Variants in SLCO3A1 observed in about 807,000 individuals in gnomAD.
The protein encoded by SLCO3A1 is PGE1 transporter.
SLCO3A1 carries 27 observed loss-of-function variants against 63.1 expected under a neutral mutation model. The observed-to-expected ratio is 0.43, with a 90% CI of 0.32 to 0.59. The LOEUF is 0.59. Among genes scored for constraint, SLCO3A1 ranks in the 20% least tolerant of loss-of-function variants. The pLI is 0.09. For missense variants in SLCO3A1, 773 were observed against 945.8 expected (o/e 0.82, Z 2.40); for synonymous variants, 473 against 409.9 (o/e 1.15, Z -1.86).
intron 2 of SLCO3A1, among the ~76,000 whole-genome samples, chr15:92,028,908 A>AGTGTGTGTGTGT (rs61238614): frequency 0.068 from 8,176 of 120,012 alleles, 667 homozygotes; most frequent in East Asian, 0.34. Context: ...TGCAGGCACA[A>AGTGTGTGTGTGT]GTGTGTGTGT....
At chr15:91,994,243 T>G (rs1345407176) in intron 2 of SLCO3A1, among the ~76,000 whole-genome samples, 1 of 152,206 alleles carries the variant, frequency 6.6e-6, no homozygotes, top group African/African-American at 2.4e-5. Flanking sequence ...TAACAACTCT[T>G]CAAAGTAGGT....
At chr15:92,146,861 G>T in intron 7 of SLCO3A1, 123 bp from the exon 8 acceptor site, 3 of 835,268 alleles carry the variant, frequency 3.6e-6, no homozygotes, top group East Asian at 2.8e-5. Flanking sequence ...CGTTTATTCA[G>T]GCCTAATTAA....
intron 4 of SLCO3A1, among the ~76,000 whole-genome samples, chr15:92,115,608 T>G (rs2047784684): frequency 6.6e-6 from 1 of 151,982 alleles, no homozygotes; most frequent in Admixed American, 6.6e-5. Context: ...AGTTCTGTGC[T>G]CCAGTCACTT....
chr15:91,955,426 G>A (rs548644821), intron 2 of SLCO3A1, among the ~76,000 whole-genome samples: 10 of 151,896 alleles, frequency 6.6e-5, no homozygotes, highest in South Asian at 2.1e-4. Context: ...TCCACCTCCC[G>A]GGTTCAACCA....
downstream of SLCO3A1, among the ~76,000 whole-genome samples, chr15:92,170,198 T>A (rs114619626): frequency 0.01 from 1,568 of 152,258 alleles, 34 homozygotes; most frequent in African/African-American, 0.036. Context: ...TTTGATTTTA[T>A]AATCTAAGGC....
At position 91,890,500 on chromosome 15, in the gene SLCO3A1, C is replaced by A. The variant is rs530968219; in HGVS notation, c.181-25493C>A. 9.8e-5 allele frequency among the ~76,000 whole-genome samples: 15 copies of A among 152,308 alleles called. No homozygotes were observed. In the East Asian group the frequency reaches 2.9e-3, roughly 29 times the overall value. On this transcript the variant is annotated intron_variant, in intron 1 of 9. Transcript: ENST00000318445. Reference sequence around the variant, plus strand: ...CAGTGGCCTCACCCAGAGCTCTATCCCCTATGCCTGGCATTGACAATTCTG... The same window carrying A: ...CAGTGGCCTCACCCAGAGCTCTATCACCTATGCCTGGCATTGACAATTCTG...
intron 2 of SLCO3A1, among the ~76,000 whole-genome samples, chr15:91,937,677 C>G (rs1483187289): frequency 2.7e-5 from 4 of 147,532 alleles, no homozygotes; most frequent in Non-Finnish European, 5.9e-5. Context: ...CAAGATCATG[C>G]TACTACACTC....
At chr15:91,937,456 A>G (rs1899454188) in intron 2 of SLCO3A1, among the ~76,000 whole-genome samples, 1 of 152,198 alleles carries the variant, frequency 6.6e-6, no homozygotes, top group Admixed American at 6.5e-5. Context: ...ATGGTGGCTC[A>G]CACCTGTAAT....
intron 7 of SLCO3A1, 24 bp downstream of exon 7, chr15:92,128,513 G>A (rs781202409): frequency 1.3e-6 from 2 of 1,573,106 alleles, no homozygotes; most frequent in Non-Finnish European, 1.7e-6. Context: ...GCAGGGGATG[G>A]GGCAGGGGAT....
At chr15:91,857,036 G>GTC (rs200138512) in intron 1 of SLCO3A1, among the ~76,000 whole-genome samples, 1,404 of 108,376 alleles carry the variant, frequency 0.013, 10 homozygotes, top group African/African-American at 0.086. Context: ...ACTCGTGTGT[G>GTC]TGTGTGTGTG....
At position 92,165,223 on chromosome 15, in the gene SLCO3A1, C is replaced by T; in HGVS notation, c.*2088C>T. 1 of 985,344 alleles carries T rather than the reference C, an allele frequency of 1.0e-6. No individual in the cohort carries two copies. Among genetic ancestry groups the T allele is most frequent in the Non-Finnish European group, 1.2e-6 (1 of 829,930 alleles). 61.0% of individuals were successfully genotyped at this position (985,344 alleles called of 1,614,324 possible). On this transcript the variant is annotated 3_prime_UTR_variant, in exon 10 of 10. Coordinates refer to ENST00000318445, the MANE Select transcript of SLCO3A1 (RefSeq NM_013272.4). ...TGGGGCAGGATGCTTCTGAGACAGG[C>T]CTTTCAACTGCTTAGTGTTAGTATG...
intron 9 of SLCO3A1, among the ~76,000 whole-genome samples, chr15:92,159,546 T>G (rs879773281): frequency 2.7e-5 from 4 of 147,074 alleles, no homozygotes; most frequent in Non-Finnish European, 5.9e-5. Flanking sequence ...GAACAGAGCA[T>G]AGCATGAAAA....
intron 2 of SLCO3A1, among the ~76,000 whole-genome samples, chr15:92,064,467 G>T (rs560096678): frequency 1.3e-5 from 2 of 152,106 alleles, no homozygotes; most frequent in African/African-American, 4.8e-5. Flanking sequence ...TTGTTACTTT[G>T]TACTCTGGCT....
At chr15:92,058,152 C>T (rs1437245478) in intron 2 of SLCO3A1, among the ~76,000 whole-genome samples, 1 of 151,412 alleles carries the variant, frequency 6.6e-6, no homozygotes, top group Admixed American at 6.6e-5. Flanking sequence ...CCTGTATAAG[C>T]GTGAGAGTGT....
Position 92,163,324 on chromosome 15 carries a change from GGAGA to G in SLCO3A1, c.*192_*195del, listed in dbSNP as rs375870166. ...CAGAGCCAGACAGGATTCAGAATAA[GGAGA>G]GAATGACATCGTGCGGCAGGGTCCT... On this transcript the variant is annotated 3_prime_UTR_variant, in exon 10 of 10. Coordinates refer to ENST00000318445, the MANE Select transcript of SLCO3A1 (RefSeq NM_013272.4). 1.7e-4 allele frequency: 210 copies of G among 1,251,754 alleles called. No homozygotes were observed. In the African/African-American group the frequency reaches 2.7e-3, roughly 16 times the overall value. 77.5% of individuals were successfully genotyped at this position (1,251,754 alleles called of 1,614,324 possible).
Position 92,033,389 on chromosome 15 carries a change from C to T in SLCO3A1, c.647-61492C>T, listed in dbSNP as rs1434393082. Among the ~76,000 whole-genome samples, 1 of 152,168 alleles carries T rather than the reference C, an allele frequency of 6.6e-6. No individual in the cohort carries two copies. Among genetic ancestry groups the T allele is most frequent in the Non-Finnish European group, 1.5e-5 (1 of 68,032 alleles). ...GTAACTTCCTCCTCTTGCATTCTCC[C>T]TCCAACTCTCTTCCCCTTAGTGGAG... On this transcript the variant is annotated intron_variant, in intron 2 of 9. Transcript: ENST00000318445. This position sits in a 1 kb window ranked among gnomAD's most constrained non-coding sequence, Gnocchi z 4.5.
chr15:92,053,825 G>T (rs965493854), intron 2 of SLCO3A1, among the ~76,000 whole-genome samples: 1 of 151,954 alleles, frequency 6.6e-6, no homozygotes, highest in East Asian at 1.9e-4. Flanking sequence ...CTTATCACTG[G>T]GGGTATTGGC....
At chr15:92,004,575 CA>C (rs1341052471) in intron 2 of SLCO3A1, among the ~76,000 whole-genome samples, 3 of 152,118 alleles carry the variant, frequency 2.0e-5, no homozygotes, top group Non-Finnish European at 4.4e-5. Context: ...AACAGAACAC[CA>C]AAAACCAAAG....
intron 1 of SLCO3A1, among the ~76,000 whole-genome samples, chr15:91,857,927 A>T (rs184818204): frequency 6.6e-6 from 1 of 152,156 alleles, no homozygotes; most frequent in Non-Finnish European, 1.5e-5. Context: ...AGGGGTAGGT[A>T]TTTCCCTATT....
Sources: allele counts gnomAD v4.1 joint callset (sites outside exome capture counted in the v4.1 genomes callset), GRCh38; gene constraint gnomAD v4.1.1; non-coding constraint Gnocchi (gnomAD v3.1); transcripts MANE v1.5; gene names NCBI Gene and HGNC (gene_info 2026-07-23, HGNC 2026-07-21).